PPP6C: variants seen among roughly 807,000 people sequenced by gnomAD.
PPP6C encodes the protein protein phosphatase 6 catalytic subunit, also known as serine/threonine-protein phosphatase 6 catalytic subunit.
A neutral mutation model predicts 39.8 loss-of-function variants in PPP6C; 11 were observed. That is an observed-to-expected ratio of 0.28 (90% CI 0.17 to 0.46). The LOEUF is 0.46. Ranked by LOEUF, PPP6C falls within the 20% of genes least tolerant of loss-of-function variation. PPP6C has a pLI of 1.00. For missense variants in PPP6C, 211 were observed against 373.9 expected (o/e 0.56, Z 3.59); for synonymous variants, 129 against 130.3 (o/e 0.99, Z 0.07).
rs531310652 is a variant in PPP6C at position 125,149,542 on chromosome 9, T to A, written c.*131A>T. On this transcript the variant is annotated 3_prime_UTR_variant, in exon 7 of 7. Coordinates refer to ENST00000373547, the MANE Select transcript of PPP6C (RefSeq NM_002721.5). ...CAATAAATTTAGATAATTTAAAATT[T>A]AAAAAAAAAAAGGCAAGAGGCAGCA... The A allele has an allele frequency of 1.0e-3, 923 of 902,462 alleles. No individual in the cohort carries two copies. Among genetic ancestry groups the A allele is most frequent in the African/African-American group, 3.5e-3 (199 of 56,320 alleles). The allele number at this position is 902,462 out of a possible 1,614,324, so 55.9% of individuals were successfully genotyped here.
intron 1 of PPP6C, among the ~76,000 whole-genome samples, chr9:125,175,716 A>C (rs1829284221): frequency 6.6e-6 from 1 of 152,066 alleles, no homozygotes; most frequent in South Asian, 2.1e-4. Flanking sequence ...GATGTTACTT[A>C]ATCTTAGCAA....
Position 125,167,241 on chromosome 9 carries a change from C to T in PPP6C, c.171+3844G>A, listed in dbSNP as rs915569803. ...ACTAAAAATACAAAAATCAGCCAGG[C>T]GTGGTGGTGCGTGCCTGTAGTCCCA... On this transcript the variant is annotated intron_variant, in intron 2 of 6. Coordinates refer to ENST00000373547, the MANE Select transcript of PPP6C (RefSeq NM_002721.5). Among the ~76,000 whole-genome samples, 71 of 151,504 alleles carry T rather than the reference C, an allele frequency of 4.7e-4. 1 individual carries two copies. The highest frequency in any genetic ancestry group is 4.4e-3 in the Admixed American group (67 of 15,180).
At chr9:125,150,562 G>A (rs1211276067) in intron 6 of PPP6C, 3 of 585,462 alleles carry the variant, frequency 5.1e-6, no homozygotes. Context: ...AAAGAGATTA[G>A]TATTGAGTCT....
intron 3 of PPP6C, 91 bp from the exon 4 acceptor site, chr9:125,158,473 A>G: frequency 1.6e-6 from 2 of 1,286,170 alleles, no homozygotes; most frequent in Non-Finnish European, 2.1e-6. Context: ...ATAGTTTATA[A>G]CTACAATAAA....
intron 4 of PPP6C, among the ~76,000 whole-genome samples, chr9:125,156,970 T>C (rs991384631): frequency 6.6e-6 from 1 of 152,008 alleles, no homozygotes; most frequent in Non-Finnish European, 1.5e-5. Context: ...CCCACCACCA[T>C]GCCCGGCTAA....
At chr9:125,180,729 T>C (rs1829403389) in intron 1 of PPP6C, among the ~76,000 whole-genome samples, 1 of 152,166 alleles carries the variant, frequency 6.6e-6, no homozygotes, top group Non-Finnish European at 1.5e-5. Context: ...CCGGTTCCCA[T>C]ATTTCAATGT....
At chr9:125,180,486 G>A (rs1490252014) in intron 1 of PPP6C, among the ~76,000 whole-genome samples, 2 of 152,162 alleles carry the variant, frequency 1.3e-5, no homozygotes, top group East Asian at 3.8e-4. Flanking sequence ...GCAATGGCGT[G>A]ATCTTGGCTC....
chr9:125,156,211 T>C (rs1836069567), intron 4 of PPP6C, among the ~76,000 whole-genome samples: 1 of 152,206 alleles, frequency 6.6e-6, no homozygotes, highest in Admixed American at 6.5e-5. Flanking sequence ...ATAAAAACAA[T>C]AAATTCTCAA....
chr9:125,167,379 C>CAAAAAAAAAAAAAAA (rs758123351), intron 2 of PPP6C, among the ~76,000 whole-genome samples: 6 of 56,094 alleles, frequency 1.1e-4, no homozygotes, highest in African/African-American at 4.6e-4. Flanking sequence ...AGACCCTGTC[C>CAAAAAAAAAAAAAAA]AAAAAAAAAA....
intron 4 of PPP6C, among the ~76,000 whole-genome samples, chr9:125,157,694 T>C (rs1305364481): frequency 3.3e-5 from 2 of 60,190 alleles, no homozygotes; most frequent in Admixed American, 3.6e-4. Context: ...CTTTTTTTTT[T>C]GGTTTTTTTT....
chr9:125,158,141 G>A (rs1836126321), intron 4 of PPP6C, 100 bp downstream of exon 4: 1 of 1,230,986 alleles, frequency 8.1e-7, no homozygotes, highest in Non-Finnish European at 1.1e-6. Flanking sequence ...AGGATGTGGG[G>A]AAAATAATAT....
intron 6 of PPP6C, chr9:125,150,938 G>A: frequency 8.9e-7 from 1 of 1,127,988 alleles, no homozygotes; most frequent in Non-Finnish European, 1.4e-6. Context: ...ATGCCCAGCA[G>A]GATAATAAAG....
At position 125,149,562 on chromosome 9, in the gene PPP6C, G is replaced by A; in HGVS notation, c.*111C>T. 8.1e-7 allele frequency: 1 copy of A among 1,229,692 alleles called. No homozygotes were observed. 76.2% of individuals were successfully genotyped at this position (1,229,692 alleles called of 1,614,324 possible). On this transcript the variant is annotated 3_prime_UTR_variant, in exon 7 of 7. Transcript: ENST00000373547. ...AAATTTAAAAAAAAAAAGGCAAGAGGCAGCATTTCAGCAGCAAAGTGCTCA... is the reference window on the plus strand; with the variant it reads ...AAATTTAAAAAAAAAAAGGCAAGAGACAGCATTTCAGCAGCAAAGTGCTCA...
At chr9:125,154,213 A>G (rs922913326) in intron 4 of PPP6C, among the ~76,000 whole-genome samples, 1 of 152,232 alleles carries the variant, frequency 6.6e-6, no homozygotes, top group Non-Finnish European at 1.5e-5. Flanking sequence ...ATTCTAAAAA[A>G]TGCATTGTTA....
chr9:125,172,720 A>AACAC (rs72238242), intron 1 of PPP6C, among the ~76,000 whole-genome samples: 145 of 144,786 alleles, frequency 1.0e-3, no homozygotes, highest in South Asian at 8.2e-3. Context: ...AATACACACA[A>AACAC]ACACACACAC....
At chr9:125,170,210 G>A (rs1265000974) in intron 2 of PPP6C, among the ~76,000 whole-genome samples, 5 of 151,678 alleles carry the variant, frequency 3.3e-5, no homozygotes, top group Admixed American at 6.6e-5. Context: ...CTAAATATGA[G>A]GTATGCCCCT....
intron 6 of PPP6C, chr9:125,150,956 T>C: frequency 1.6e-6 from 2 of 1,238,740 alleles, no homozygotes; most frequent in South Asian, 1.2e-5. Context: ...AAGAGTCAGG[T>C]GACAATCTCA....
At chr9:125,175,029 G>A (rs2131334368) in intron 1 of PPP6C, among the ~76,000 whole-genome samples, 1 of 151,970 alleles carries the variant, frequency 6.6e-6, no homozygotes, top group African/African-American at 2.4e-5. Flanking sequence ...CCAACATGGT[G>A]AAACCTCATC....
intron 1 of PPP6C, among the ~76,000 whole-genome samples, chr9:125,186,052 T>A (rs1187248939): frequency 1.3e-5 from 2 of 152,098 alleles, no homozygotes; most frequent in Admixed American, 1.3e-4. Flanking sequence ...GAAACAGAAA[T>A]TGTGATTAAA....
Sources: allele counts gnomAD v4.1 joint callset (sites outside exome capture counted in the v4.1 genomes callset), GRCh38; gene constraint gnomAD v4.1.1; transcripts MANE v1.5; gene names NCBI Gene and HGNC (gene_info 2026-07-23, HGNC 2026-07-21).